The following PRKAR2B variants were observed in gnomAD, a reference collection of about 807,000 sequenced individuals.
PRKAR2B encodes the protein cAMP-dependent protein kinase type II-beta regulatory subunit.
PRKAR2B carries 14 observed loss-of-function variants against 49.9 expected under a neutral mutation model. The observed-to-expected ratio is 0.28, with a 90% CI of 0.19 to 0.44. The LOEUF is 0.44. Ranked by LOEUF, PRKAR2B falls within the 20% of genes least tolerant of loss-of-function variation. The pLI is 1.00. For missense variants in PRKAR2B, 393 were observed against 537.9 expected, an observed-to-expected ratio of 0.73 and a Z score of 2.67; for synonymous variants, 196 against 197.7, an observed-to-expected ratio of 0.99 and a Z score of 0.07.
chr7:107,145,879 A>G (rs868401070), intron 5 of PRKAR2B, among the ~76,000 whole-genome samples: 1 of 150,560 alleles, frequency 6.6e-6, no homozygotes, highest in Non-Finnish European at 1.5e-5. Flanking sequence ...AGCTGAGATT[A>G]TGGGATCCCG....
chr7:107,154,813 A>G (rs2115675820), intron 8 of PRKAR2B, among the ~76,000 whole-genome samples: 1 of 152,348 alleles, frequency 6.6e-6, no homozygotes, highest in Admixed American at 6.5e-5. Context: ...TTCATTAAGA[A>G]ACAAAAGCAA....
intron 1 of PRKAR2B, among the ~76,000 whole-genome samples, chr7:107,053,021 G>A (rs1189321598): frequency 6.6e-6 from 1 of 152,046 alleles, no homozygotes; most frequent in Non-Finnish European, 1.5e-5. Context: ...GTAGAGACAA[G>A]GTTTTTCCAT....
intron 1 of PRKAR2B, among the ~76,000 whole-genome samples, chr7:107,051,510 A>G (rs1370839588): frequency 6.6e-6 from 1 of 152,144 alleles, no homozygotes; most frequent in Non-Finnish European, 1.5e-5. Flanking sequence ...AAACCTCACT[A>G]TGATGCTTAT....
intron 1 of PRKAR2B, among the ~76,000 whole-genome samples, chr7:107,060,094 T>A (rs1280084728): frequency 6.6e-6 from 1 of 152,242 alleles, no homozygotes; most frequent in Non-Finnish European, 1.5e-5. Context: ...TAGTAACGTG[T>A]AAGTTCCTTT....
intron 5 of PRKAR2B, among the ~76,000 whole-genome samples, chr7:107,145,733 A>AT (rs916332834): frequency 0.069 from 6,455 of 93,328 alleles, 730 homozygotes; most frequent in African/African-American, 0.23. Flanking sequence ...TCTTCAGATG[A>AT]TTTTTTTTTT....
chr7:107,148,625 C>T (rs913906459), intron 6 of PRKAR2B, among the ~76,000 whole-genome samples: 1 of 152,102 alleles, frequency 6.6e-6, no homozygotes, highest in Non-Finnish European at 1.5e-5. Context: ...GGTGACTTGA[C>T]TAATTATAAT....
chr7:107,045,006 G>C lies in PRKAR2B; in HGVS notation c.99G>C (p.Leu33=), dbSNP rs1261964406. The C allele has an allele frequency of 5.8e-6, 9 of 1,548,742 alleles. No individual in the cohort carries two copies. The highest frequency in any genetic ancestry group is 2.7e-5 in the African/African-American group (2 of 73,158). Residue 33 remains leucine, a synonymous_variant, in exon 1 of 11, where the codon CTG becomes CTC. Transcript: ENST00000265717. ...HQPADLLEFA[L]QHFTRLQQEN... is the part of the protein sequence containing the mutation. ...CCGCGGACCTGCTGGAGTTCGCGCT[G>C]CAGCACTTCACCCGCCTGCAGCAGG...
Position 107,159,930 on chromosome 7 carries a change from A to C in PRKAR2B, c.*348A>C, listed in dbSNP as rs969550581. 1 of 173,790 alleles carries C rather than the reference A, an allele frequency of 5.8e-6. No individual in the cohort carries two copies. The highest frequency in any genetic ancestry group is 2.4e-5 in the African/African-American group (1 of 42,206). 10.8% of individuals were successfully genotyped at this position (173,790 alleles called of 1,614,324 possible). Reference sequence around the variant, plus strand: ...TAGGCTATATGTGTTTTACTTATTCAGACTGATAATCATATTAGTGACTAT... The same window carrying C: ...TAGGCTATATGTGTTTTACTTATTCCGACTGATAATCATATTAGTGACTAT... On this transcript the variant is annotated 3_prime_UTR_variant, in exon 11 of 11. Coordinates refer to ENST00000265717, the MANE Select transcript of PRKAR2B (RefSeq NM_002736.3).
intron 4 of PRKAR2B, among the ~76,000 whole-genome samples, chr7:107,130,662 G>A (rs1309950179): frequency 3.3e-5 from 5 of 152,084 alleles, no homozygotes; most frequent in East Asian, 1.9e-4. Flanking sequence ...CACGTTTGCC[G>A]AGTACCATCA....
chr7:107,099,113 A>G (rs1335278816), intron 2 of PRKAR2B, among the ~76,000 whole-genome samples: 2 of 152,196 alleles, frequency 1.3e-5, no homozygotes, highest in East Asian at 1.9e-4. Context: ...CTGCTGCCAG[A>G]GGTGGAGTCT....
At chr7:107,083,951 C>G (rs1454355101) in intron 2 of PRKAR2B, among the ~76,000 whole-genome samples, 1 of 152,166 alleles carries the variant, frequency 6.6e-6, no homozygotes, top group East Asian at 1.9e-4. Context: ...GAATTATAGA[C>G]TAGTAGGACC....
Position 107,102,639 on chromosome 7 carries a change from A to G in PRKAR2B, c.344-19313A>G, listed in dbSNP as rs116991860. Among the ~76,000 whole-genome samples, 37 of 152,240 alleles carry G rather than the reference A, an allele frequency of 2.4e-4. No homozygotes were observed. In the East Asian group the frequency reaches 4.4e-3, roughly 18 times the overall value. ...GCATTATTAGGTTTTCCTCATTTTC[A>G]TCAAGAATATATTTATAAAGGAAGA... On this transcript the variant is annotated intron_variant, in intron 2 of 10. Transcript: ENST00000265717.
intron 1 of PRKAR2B, among the ~76,000 whole-genome samples, chr7:107,056,355 G>A (rs1010515763): frequency 2.0e-5 from 3 of 152,128 alleles, no homozygotes; most frequent in Non-Finnish European, 2.9e-5. Flanking sequence ...CTGTGAAGAA[G>A]GTCATTGGTA....
intron 4 of PRKAR2B, among the ~76,000 whole-genome samples, chr7:107,135,840 A>G (rs1050218084): frequency 7.9e-5 from 12 of 152,162 alleles, no homozygotes; most frequent in African/African-American, 1.2e-4. Flanking sequence ...AACGGATCCT[A>G]AAGTTTGGAG....
intron 5 of PRKAR2B, among the ~76,000 whole-genome samples, chr7:107,144,321 T>A (rs1015287761): frequency 6.6e-6 from 1 of 151,924 alleles, no homozygotes; most frequent in East Asian, 1.9e-4. Flanking sequence ...CTCCTGACCT[T>A]GTGATCTGCC....
rs1421255359 is a variant in PRKAR2B, at chr7:107,045,127, G to C, written c.220G>C (p.Val74Leu). 2.6e-6 allele frequency: 4 copies of C among 1,523,174 alleles called. No homozygotes were observed. The highest frequency in any genetic ancestry group is 2.8e-5 in the African/African-American group (2 of 72,274). 94.4% of individuals were successfully genotyped at this position (1,523,174 alleles called of 1,614,324 possible). A position where few individuals can be genotyped will look rare whatever the true frequency, so the allele number is the denominator to read the frequency against. Reference sequence around the variant, plus strand: ...CGGGGGCGGCACCCCCAGCAAGGGGGTCAACTTCGCCGAGGAGCCCATGCA... The same window carrying C: ...CGGGGGCGGCACCCCCAGCAAGGGGCTCAACTTCGCCGAGGAGCCCATGCA... ...AAGGGTPSKG[V>L]NFAEEPMQSD... The change falls in exon 1 of 11, where the codon GTC becomes CTC. Residue 74 changes from valine to leucine, a missense_variant. This residue lies in a region of PRKAR2B where 160 missense variants were observed against 147.6 expected (regional missense o/e 1.08). Transcript: ENST00000265717.
intron 1 of PRKAR2B, among the ~76,000 whole-genome samples, chr7:107,063,229 T>C (rs1433446901): frequency 6.6e-6 from 1 of 152,190 alleles, no homozygotes; most frequent in Non-Finnish European, 1.5e-5. Flanking sequence ...ACTCCTGGCC[T>C]CATGTGATCT....
Position 107,151,011 on chromosome 7 carries a change from T to C in PRKAR2B, c.831T>C (p.Leu277=), listed in dbSNP as rs1584455192. The C allele has an allele frequency of 6.4e-7, 1 of 1,570,612 alleles. No individual in the cohort carries two copies. The highest frequency in any genetic ancestry group is 1.2e-5 in the South Asian group (1 of 85,352). The change falls in exon 7 of 11, where the codon CTT becomes CTC. Residue 277 remains leucine (L), a synonymous_variant. Coordinates refer to ENST00000265717, the MANE Select transcript of PRKAR2B (RefSeq NM_002736.3). The part of the protein sequence containing the change: ...YESFIESLPF[L]KSLEFSERLK... ...GCTTTATTGAGTCACTGCCATTCCTTAAATCTTTGGAGGTAAGTATATGTT... is the reference window on the plus strand; with the variant it reads ...GCTTTATTGAGTCACTGCCATTCCTCAAATCTTTGGAGGTAAGTATATGTT...
chr7:107,133,527 T>G (rs1795639399), intron 4 of PRKAR2B: 2 of 152,180 alleles, frequency 1.3e-5, no homozygotes. Flanking sequence ...TTGCCTGAGT[T>G]GATGAACTCA....
Sources: allele counts gnomAD v4.1 joint callset (sites outside exome capture counted in the v4.1 genomes callset), GRCh38; gene constraint gnomAD v4.1.1; regional missense constraint gnomAD v4.1.1; transcripts MANE v1.5; gene names NCBI Gene and HGNC (gene_info 2026-07-23, HGNC 2026-07-21).